The following IGF2R variants were observed in gnomAD, a reference collection of about 807,000 sequenced individuals.
The protein encoded by IGF2R is cation-independent mannose-6-phosphate receptor.
Under a neutral mutation model 270.6 loss-of-function variants are expected in IGF2R, and 91 were observed. The ratio of observed to expected loss-of-function variants is 0.34; its 90% CI spans 0.28 to 0.40. IGF2R has a LOEUF of 0.40. IGF2R is among the 10% of genes least tolerant of loss of function. The pLI, the probability that IGF2R is intolerant of heterozygous loss-of-function variation, is 1.00. For missense variants in IGF2R, 2,805 were observed against 3,188.3 expected, an observed-to-expected ratio of 0.88 and a Z score of 2.90; for synonymous variants, 1,316 against 1,258.9, an observed-to-expected ratio of 1.05 and a Z score of -0.96.
chr6:160,004,574 CT>C lies in IGF2R; in HGVS notation c.290-4434del, dbSNP rs1784182497. 2 of 154,206 alleles carry C rather than the reference CT, an allele frequency of 1.3e-5. No individual in the cohort carries two copies. Among genetic ancestry groups the C allele is most frequent in the Admixed American group, 1.3e-4 (2 of 15,288 alleles). The allele number at this position is 154,206 out of a possible 1,614,324, so 9.6% of individuals were successfully genotyped here. A position where few individuals can be genotyped will look rare whatever the true frequency, so the allele number is the denominator to read the frequency against. On this transcript the variant is annotated intron_variant, in intron 2 of 47. Coordinates refer to ENST00000356956, the MANE Select transcript of IGF2R (RefSeq NM_000876.4). This position sits in a 1 kb window ranked among gnomAD's most constrained non-coding sequence, Gnocchi z 5.2. Reference sequence around the variant, plus strand: ...TTCCGGGTGGGTCTAGTGAGTGTAGCTTGGAGTGCTGGGTGGTGTGGCCTGG... The same window carrying C: ...TTCCGGGTGGGTCTAGTGAGTGTAGCTGGAGTGCTGGGTGGTGTGGCCTGG...
chr6:159,984,340 T>G (rs938693539), intron 1 of IGF2R, among the ~76,000 whole-genome samples: 11 of 152,176 alleles, frequency 7.2e-5, no homozygotes, highest in African/African-American at 2.7e-4. Context: ...GTCACATGTT[T>G]GTGGTAATAC....
intron 2 of IGF2R, among the ~76,000 whole-genome samples, chr6:159,991,618 C>G (rs1055859415): frequency 6.6e-6 from 1 of 152,110 alleles, no homozygotes; most frequent in East Asian, 1.9e-4. Context: ...GATGGCTCTC[C>G]CTTCTCACCC....
intron 5 of IGF2R, 115 bp downstream of exon 5, chr6:160,024,819 C>G (rs2115224252): frequency 8.4e-7 from 1 of 1,194,910 alleles, no homozygotes; most frequent in East Asian, 2.4e-5. Flanking sequence ...TGATTAGGCC[C>G]TCTAATAAAG....
chr6:160,012,282 A>G (rs979890522), intron 4 of IGF2R, among the ~76,000 whole-genome samples: 1 of 152,192 alleles, frequency 6.6e-6, no homozygotes, highest in African/African-American at 2.4e-5. Context: ...CAAAGCAGAC[A>G]TCTGTTTGGG....
At chr6:160,089,502 T>C (rs1449383636) in intron 43 of IGF2R, among the ~76,000 whole-genome samples, 1 of 152,260 alleles carries the variant, frequency 6.6e-6, no homozygotes, top group Non-Finnish European at 1.5e-5. Flanking sequence ...CTCTTCATGA[T>C]AATCTCAGGG....
Position 160,102,615 on chromosome 6 carries a change from G to A in IGF2R, c.6939G>A (p.Leu2313=). 6.2e-7 allele frequency: 1 copy of A among 1,613,438 alleles called. No individual in the cohort carries two copies. The highest frequency in any genetic ancestry group is 8.5e-7 in the Non-Finnish European group (1 of 1,179,624). The part of the protein sequence containing the change: ...SQAVGAVLSL[L]LVALTCCLLA... ...CAGTCGGCGCGGTGCTCAGCCTGCT[G>A]CTGGTGGCGCTCACCTGCTGCCTGC... The change falls in exon 46 of 48, where the codon CTG becomes CTA. Residue 2313 remains leucine (L), a synonymous_variant. Transcript: ENST00000356956. This position sits in a 1 kb window ranked among gnomAD's most constrained non-coding sequence, Gnocchi z 4.5.
At chr6:160,055,809 G>A (rs1778302400) in intron 19 of IGF2R, among the ~76,000 whole-genome samples, 1 of 152,096 alleles carries the variant, frequency 6.6e-6, no homozygotes, top group Non-Finnish European at 1.5e-5. Context: ...TCCCTGATCG[G>A]CAGCTACCAT....
At chr6:160,014,934 A>C (rs111552138) in intron 4 of IGF2R, among the ~76,000 whole-genome samples, 7 of 152,158 alleles carry the variant, frequency 4.6e-5, no homozygotes, top group African/African-American at 1.7e-4. Context: ...ATTAGTAGAA[A>C]CACTTAGGTG....
Position 160,010,675 on chromosome 6 carries a change from T to G in IGF2R, c.415-12T>G, listed in dbSNP as rs1448595409. The G allele has an allele frequency of 6.7e-7, 1 of 1,488,824 alleles. No individual in the cohort carries two copies. The highest frequency in any genetic ancestry group is 1.1e-5 in the South Asian group (1 of 88,206). 92.2% of individuals were successfully genotyped at this position (1,488,824 alleles called of 1,614,324 possible). On this transcript the variant is annotated splice_polypyrimidine_tract_variant and intron_variant, in intron 3 of 47. Coordinates refer to ENST00000356956, the MANE Select transcript of IGF2R (RefSeq NM_000876.4). ...GTATGGTAACATTATAATTACTATT[T>G]TTTTTTAATAGGGAACTCCTGAATT... is the stretch of plus-strand genomic sequence containing the variant.
rs374840638 is a variant in IGF2R at position 160,078,206 on chromosome 6, G to A, written c.5322G>A (p.Thr1774=). 250 of 1,614,098 alleles carry A rather than the reference G, an allele frequency of 1.5e-4. 1 individual carries two copies. The highest frequency in any genetic ancestry group is 7.6e-4 in the South Asian group (69 of 91,076). The change falls in exon 37 of 48, where the codon ACG becomes ACA. Residue 1774 remains threonine, a synonymous_variant. Coordinates refer to ENST00000356956, the MANE Select transcript of IGF2R (RefSeq NM_000876.4). The part of the protein sequence containing the change: ...FHCKRGVSMG[T]PKLLRTSECD... ...CGTGCTCTTCCTGGCAACAGGGAAC[G>A]CCTAAGCTGTTAAGGACCAGCGAGT... is the stretch of plus-strand genomic sequence containing the variant.
At chr6:159,987,015 G>T (rs1783898605) in intron 1 of IGF2R, among the ~76,000 whole-genome samples, 1 of 152,046 alleles carries the variant, frequency 6.6e-6, no homozygotes, top group Non-Finnish European at 1.5e-5. Context: ...TAATTTTATT[G>T]CTTCTGAAAC....
At chr6:160,010,968 G>T (rs1459019804) in intron 4 of IGF2R, among the ~76,000 whole-genome samples, 183 bp downstream of exon 4, 1 of 152,106 alleles carries the variant, frequency 6.6e-6, no homozygotes, top group Non-Finnish European at 1.5e-5. Flanking sequence ...TTAGGACAGG[G>T]CATTTAAAAT....
At chr6:160,070,741 G>T (rs1778700818) in intron 31 of IGF2R, among the ~76,000 whole-genome samples, 1 of 152,228 alleles carries the variant, frequency 6.6e-6, no homozygotes, top group Non-Finnish European at 1.5e-5. Context: ...ATTAACTCGG[G>T]CAAGACCAGC....
intron 2 of IGF2R, among the ~76,000 whole-genome samples, chr6:160,002,772 A>G (rs1442794296): frequency 2.0e-5 from 3 of 152,156 alleles, no homozygotes; most frequent in Non-Finnish European, 4.4e-5. Context: ...AATTCTCTTA[A>G]ATGTTCTAAT....
At chr6:160,076,462 A>G (rs1778857587) in intron 36 of IGF2R, among the ~76,000 whole-genome samples, 1 of 152,220 alleles carries the variant, frequency 6.6e-6, no homozygotes, top group Non-Finnish European at 1.5e-5. Flanking sequence ...ATTGACTTCC[A>G]TTTTATGTGC....
intron 4 of IGF2R, among the ~76,000 whole-genome samples, chr6:160,019,009 TA>T (rs1225418430): frequency 4.0e-5 from 6 of 151,522 alleles, no homozygotes; most frequent in African/African-American, 9.7e-5. Flanking sequence ...GTACAAAGGA[TA>T]AAAAAAATGA....
chr6:160,044,656 A>G lies in IGF2R; in HGVS notation c.1764A>G (p.Pro588=), dbSNP rs200860781. ...IKTNITLVCK[P]GDLESAPVLR... ...CTAATATCACACTTGTATGCAAGCC[A>G]GGTAAAAATTTTAAAAAAGATGAAA... Residue 588 remains proline, a splice_region_variant and synonymous_variant, in exon 13 of 48, where the codon CCA becomes CCG. Transcript: ENST00000356956. 6.3e-7 allele frequency: 1 copy of G among 1,594,646 alleles called. No homozygotes were observed. The highest frequency in any genetic ancestry group is 8.5e-7 in the Non-Finnish European group (1 of 1,174,820).
rs1235541756 is a variant in IGF2R at position 159,969,090 on chromosome 6, C to G, written c.-157C>G. 3 of 262,822 alleles carry G rather than the reference C, an allele frequency of 1.1e-5. No individual in the cohort carries two copies. The highest frequency in any genetic ancestry group is 1.8e-5 in the Non-Finnish European group (3 of 170,198). The allele number at this position is 262,822 out of a possible 1,614,324, so 16.3% of individuals were successfully genotyped here. A position where few individuals can be genotyped will look rare whatever the true frequency, so the allele number is the denominator to read the frequency against. On this transcript the variant is annotated 5_prime_UTR_variant, in exon 1 of 48. Transcript: ENST00000356956. ...GTTCCGGGGCCGCCGCTGCCGCTGT[C>G]GCTGTCGCCGAGCCCAGTCGAGCCG... is the stretch of plus-strand genomic sequence containing the variant.
chr6:160,000,608 A>T (rs1352888296), intron 2 of IGF2R, among the ~76,000 whole-genome samples: 1 of 152,120 alleles, frequency 6.6e-6, no homozygotes, highest in Non-Finnish European at 1.5e-5. Context: ...CAGAAATTTA[A>T]ATGGTTGAAT....
Sources: gnomAD v4.1 joint callset for allele counts (sites outside exome capture counted in the v4.1 genomes callset) on GRCh38, gnomAD v4.1.1 for gene constraint, Gnocchi (gnomAD v3.1) non-coding constraint, MANE v1.5 for transcripts, NCBI Gene and HGNC (gene_info 2026-07-23, HGNC 2026-07-21) for gene names.